Variants in L3MBTL3 observed in about 807,000 individuals in gnomAD.
L3MBTL3 encodes lethal(3)malignant brain tumor-like protein 3.
A neutral mutation model predicts 102.3 loss-of-function variants in L3MBTL3; 27 were observed. That is an observed-to-expected ratio of 0.26 (90% CI 0.19 to 0.36). The LOEUF (loss-of-function observed/expected upper bound fraction) is 0.36, where lower values mean the gene tolerates loss of function less well. L3MBTL3 is among the 10% of genes least tolerant of loss of function. L3MBTL3 has a pLI of 1.00. For missense variants in L3MBTL3, 798 were observed against 955.3 expected (o/e 0.84, Z 2.17); for synonymous variants, 340 against 320.9 (o/e 1.06, Z -0.64).
intron 19 of L3MBTL3, among the ~76,000 whole-genome samples, chr6:130,108,481 C>T (rs1018051605): frequency 1.3e-5 from 2 of 151,870 alleles, no homozygotes; most frequent in African/African-American, 4.8e-5. Flanking sequence ...TGATCTGTTG[C>T]CTCGGCCTCC....
intron 2 of L3MBTL3, among the ~76,000 whole-genome samples, chr6:130,035,556 T>G (rs1252078261): frequency 6.6e-6 from 1 of 152,232 alleles, no homozygotes; most frequent in Non-Finnish European, 1.5e-5. Context: ...GCAGGGACTT[T>G]CAGAGTGCAA....
chr6:130,107,556 A>G (rs910887339), intron 19 of L3MBTL3, among the ~76,000 whole-genome samples: 2 of 152,242 alleles, frequency 1.3e-5, no homozygotes, highest in African/African-American at 4.8e-5. Flanking sequence ...ACTAAATGAC[A>G]ATAAATACTG....
At chr6:130,112,217 T>C (rs1205476002) in intron 19 of L3MBTL3, among the ~76,000 whole-genome samples, 1 of 152,232 alleles carries the variant, frequency 6.6e-6, no homozygotes, top group East Asian at 1.9e-4. Context: ...CTTGATGATG[T>C]GCTCCATAAA....
At chr6:130,041,865 A>G (rs1780439166) in intron 2 of L3MBTL3, among the ~76,000 whole-genome samples, 2 of 152,176 alleles carry the variant, frequency 1.3e-5, no homozygotes, top group African/African-American at 2.4e-5. Flanking sequence ...AATGGTATTT[A>G]GACACCACAG....
intron 2 of L3MBTL3, among the ~76,000 whole-genome samples, chr6:130,032,091 T>G (rs1344593517): frequency 1.3e-5 from 2 of 152,004 alleles, no homozygotes; most frequent in Non-Finnish European, 2.9e-5. Context: ...TTTTGCATTT[T>G]CTTGTAGGTG....
intron 13 of L3MBTL3, among the ~76,000 whole-genome samples, chr6:130,074,243 T>C (rs1782813524): frequency 6.6e-6 from 1 of 152,226 alleles, no homozygotes; most frequent in African/African-American, 2.4e-5. Flanking sequence ...TGTTACTACA[T>C]GTTTAGTTGC....
chr6:130,098,630 T>A (rs1582561172), intron 18 of L3MBTL3, among the ~76,000 whole-genome samples: 1 of 152,204 alleles, frequency 6.6e-6, no homozygotes, highest in Non-Finnish European at 1.5e-5. Flanking sequence ...AAGGACTTAA[T>A]GTGTGACCTC....
At chr6:130,058,291 A>G (rs1324571908) in intron 9 of L3MBTL3, among the ~76,000 whole-genome samples, 1 of 152,140 alleles carries the variant, frequency 6.6e-6, no homozygotes, top group African/African-American at 2.4e-5. Context: ...AGTTAACAAT[A>G]TAGATATCAG....
intron 7 of L3MBTL3, 191 bp from the exon 8 acceptor site, chr6:130,054,980 G>A: frequency 1.8e-6 from 1 of 548,380 alleles, no homozygotes; most frequent in Non-Finnish European, 3.3e-6. Flanking sequence ...CGTGGATACA[G>A]TCTTATTTTG....
chr6:130,099,941 G>T (rs1312682621), intron 18 of L3MBTL3, among the ~76,000 whole-genome samples: 1 of 152,174 alleles, frequency 6.6e-6, no homozygotes, highest in Non-Finnish European at 1.5e-5. Flanking sequence ...CAGGCAGCAG[G>T]CAGTGGCATC....
chr6:130,136,150 C>T (rs1436470904), intron 22 of L3MBTL3, among the ~76,000 whole-genome samples: 6 of 152,180 alleles, frequency 3.9e-5, no homozygotes, highest in Middle Eastern at 3.2e-3. Flanking sequence ...GCAGTAACCT[C>T]CAAACTCATT....
At position 130,108,220 on chromosome 6, in the gene L3MBTL3, G is replaced by GTT. The variant is rs376419261; in HGVS notation, c.1886+3654_1886+3655dup. Reference sequence around the variant, plus strand: ...ATAAGCCCTCAATAAATGTTAGGTGGTTTTTTTTTTGTTTTTTTTTTTTTT... The same window carrying GTT: ...ATAAGCCCTCAATAAATGTTAGGTGGTTTTTTTTTTTTGTTTTTTTTTTTTTT... On this transcript the variant is annotated intron_variant, in intron 19 of 22. Coordinates refer to ENST00000361794, the MANE Select transcript of L3MBTL3 (RefSeq NM_032438.4). 3.3e-3 allele frequency among the ~76,000 whole-genome samples: 393 copies of GTT among 118,694 alleles called. 24 individuals carry two copies. Among genetic ancestry groups the GTT allele is most frequent in the Non-Finnish European group, 4.3e-3 (239 of 56,128 alleles). The allele number at this position is 118,694 out of a possible 152,430, so 77.9% of individuals were successfully genotyped here. A position where few individuals can be genotyped will look rare whatever the true frequency, so the allele number is the denominator to read the frequency against.
chr6:130,134,002 G>C (rs1327339584), intron 22 of L3MBTL3, 97 bp downstream of exon 22: 4 of 916,734 alleles, frequency 4.4e-6, no homozygotes, highest in Middle Eastern at 2.2e-4. Flanking sequence ...GAGTCAAAAA[G>C]AGATGGGGTG....
chr6:130,118,211 T>C (rs1785863196), intron 19 of L3MBTL3, among the ~76,000 whole-genome samples: 1 of 152,140 alleles, frequency 6.6e-6, no homozygotes, highest in African/African-American at 2.4e-5. Context: ...ATTGCAGATT[T>C]TGGTGTCAAG....
chr6:130,106,791 T>C (rs1785007491), intron 19 of L3MBTL3, among the ~76,000 whole-genome samples: 1 of 152,194 alleles, frequency 6.6e-6, no homozygotes, highest in Non-Finnish European at 1.5e-5. Context: ...GTTGGTCTCT[T>C]ATAAACCTTA....
chr6:130,055,333 T>C, intron 8 of L3MBTL3, 78 bp downstream of exon 8: 1 of 1,060,764 alleles, frequency 9.4e-7, no homozygotes, highest in South Asian at 1.5e-5. Context: ...ATTTTAGTCA[T>C]GCCACTTAAA....
intron 19 of L3MBTL3, among the ~76,000 whole-genome samples, chr6:130,116,291 G>A (rs1439704555): frequency 6.6e-6 from 1 of 152,142 alleles, no homozygotes; most frequent in Non-Finnish European, 1.5e-5. Context: ...CCCCTCTGAC[G>A]TAAAGGATTT....
rs1780937739 is a variant in L3MBTL3 at position 130,049,342 on chromosome 6, G to A, written c.163G>A (p.Val55Ile). Residue 55 changes from valine (V) to isoleucine (I), a missense_variant, in exon 4 of 23, where the codon GTT becomes ATT. Coordinates refer to ENST00000361794, the MANE Select transcript of L3MBTL3 (RefSeq NM_032438.4). Reference sequence around the variant, plus strand: ...TACAGATGAGAATGAGATGGAAAATGTTAAAAAAGCAACTGCTACCACCAC... The same window carrying A: ...TACAGATGAGAATGAGATGGAAAATATTAAAAAAGCAACTGCTACCACCAC... ...VITDENEMEN[V>I]KKATATTTWM... 1.9e-6 allele frequency: 3 copies of A among 1,613,714 alleles called. No homozygotes were observed. Among genetic ancestry groups the A allele is most frequent in the Non-Finnish European group, 2.5e-6 (3 of 1,179,704 alleles).
intron 11 of L3MBTL3, among the ~76,000 whole-genome samples, chr6:130,066,941 G>T (rs1309127420): frequency 6.6e-6 from 1 of 152,104 alleles, no homozygotes; most frequent in African/African-American, 2.4e-5. Flanking sequence ...TAGGAGATTG[G>T]CAAGAAGACT....
Sources: allele counts gnomAD v4.1 joint callset (sites outside exome capture counted in the v4.1 genomes callset), GRCh38; gene constraint gnomAD v4.1.1; transcripts MANE v1.5; gene names NCBI Gene and HGNC (gene_info 2026-07-23, HGNC 2026-07-21).